PIBF1: variants seen among roughly 807,000 people sequenced by gnomAD.
PIBF1 encodes the protein progesterone immunomodulatory binding factor 1.
Under a neutral mutation model 112.5 loss-of-function variants are expected in PIBF1, and 90 were observed. That is an observed-to-expected ratio of 0.80 (90% CI 0.67 to 0.95). PIBF1 has a LOEUF of 0.95. Ranked by LOEUF, PIBF1 falls within the 40% of genes least tolerant of loss-of-function variation. The pLI is 0.00. For synonymous variants in PIBF1, 301 were observed against 288.6 expected (o/e 1.04, Z -0.44); for missense variants, 915 against 852.3 (o/e 1.07, Z -0.92).
intron 9 of PIBF1, among the ~76,000 whole-genome samples, chr13:72,850,540 G>A (rs1011350028): frequency 6.6e-6 from 1 of 152,158 alleles, no homozygotes. Context: ...TGCAAGAAAG[G>A]AAATGTTATT....
intron 16 of PIBF1, among the ~76,000 whole-genome samples, chr13:72,979,982 A>G (rs1594308935): frequency 6.6e-6 from 1 of 152,296 alleles, no homozygotes; most frequent in East Asian, 1.9e-4. Flanking sequence ...ATTTGAGTAC[A>G]TTAGGGACTG....
chr13:72,985,868 G>A (rs1349135972), intron 16 of PIBF1, among the ~76,000 whole-genome samples: 1 of 151,956 alleles, frequency 6.6e-6, no homozygotes, highest in Admixed American at 6.6e-5. Flanking sequence ...TAAAGGCCAG[G>A]GTCCAGCACA....
chr13:72,997,370 G>A (rs2139023169), intron 16 of PIBF1, among the ~76,000 whole-genome samples: 1 of 152,220 alleles, frequency 6.6e-6, no homozygotes, highest in African/African-American at 2.4e-5. Context: ...AATCTTGAAA[G>A]CAAAAAGAGT....
At chr13:72,848,692 C>T (rs1383082582) in intron 9 of PIBF1, among the ~76,000 whole-genome samples, 3 of 152,030 alleles carry the variant, frequency 2.0e-5, no homozygotes, top group Non-Finnish European at 4.4e-5. Context: ...AATTAGCCGG[C>T]ATGGTGGCGG....
chr13:73,004,014 C>T (rs1356039039), intron 17 of PIBF1, among the ~76,000 whole-genome samples: 1 of 152,142 alleles, frequency 6.6e-6, no homozygotes, highest in Non-Finnish European at 1.5e-5. Flanking sequence ...TGCACCTGGC[C>T]TGGGTATCCT....
chr13:72,798,046 C>T lies in PIBF1; in HGVS notation c.672+20C>T. The T allele has an allele frequency of 6.4e-7, 1 of 1,572,666 alleles. No individual in the cohort carries two copies. The highest frequency in any genetic ancestry group is 1.2e-5 in the South Asian group (1 of 83,284). On this transcript the variant is annotated intron_variant, in intron 5 of 17. Transcript: ENST00000326291. ...ACAGAGGTTTGTATGGTTTTGATTG[C>T]TGGTGGGAAGAAGCTTCGGCTTTTT...
chr13:72,867,608 A>G (rs553387447), intron 10 of PIBF1, among the ~76,000 whole-genome samples: 129 of 152,310 alleles, frequency 8.5e-4, no homozygotes, highest in African/African-American at 3.0e-3. Flanking sequence ...TCTCTAAAGA[A>G]AGAGTCCCCT....
chr13:72,898,944 T>C (rs980024078), intron 11 of PIBF1, among the ~76,000 whole-genome samples: 1 of 151,282 alleles, frequency 6.6e-6, no homozygotes, highest in Non-Finnish European at 1.5e-5. Flanking sequence ...ACAGGAGATA[T>C]TACAACTGAC....
intron 16 of PIBF1, among the ~76,000 whole-genome samples, chr13:72,981,686 T>C (rs1358307684): frequency 6.6e-6 from 1 of 152,236 alleles, no homozygotes; most frequent in Non-Finnish European, 1.5e-5. Context: ...TGAAATGTTA[T>C]GTACTTATAG....
chr13:72,797,791 CTTG>C (rs2035268535), intron 4 of PIBF1, 113 bp from the exon 5 acceptor site: 3 of 740,312 alleles, frequency 4.1e-6, no homozygotes, highest in East Asian at 2.9e-5. Context: ...TAATGACTGT[CTTG>C]TTGTAGTTTT....
intron 16 of PIBF1, among the ~76,000 whole-genome samples, chr13:72,975,907 C>T (rs1240367498): frequency 6.6e-6 from 1 of 152,064 alleles, no homozygotes; most frequent in African/African-American, 2.4e-5. Flanking sequence ...TCAGCCATAT[C>T]AACTACATTT....
intron 16 of PIBF1, among the ~76,000 whole-genome samples, chr13:72,976,394 A>G (rs891326692): frequency 6.6e-6 from 1 of 152,168 alleles, no homozygotes; most frequent in Admixed American, 6.6e-5. Context: ...CACTAGCAAG[A>G]TGAAACTACT....
At chr13:72,787,077 A>G (rs1415433624) in intron 2 of PIBF1, among the ~76,000 whole-genome samples, 1 of 152,190 alleles carries the variant, frequency 6.6e-6, no homozygotes, top group Non-Finnish European at 1.5e-5. Context: ...ATTAAAGAAT[A>G]TGTATATGTA....
At chr13:73,001,277 T>G (rs973276413) in intron 17 of PIBF1, among the ~76,000 whole-genome samples, 1 of 152,218 alleles carries the variant, frequency 6.6e-6, no homozygotes, top group Non-Finnish European at 1.5e-5. Flanking sequence ...AAGAATACTT[T>G]TTTATATTTT....
intron 14 of PIBF1, among the ~76,000 whole-genome samples, chr13:72,957,633 AAT>A (rs1472377928): frequency 6.6e-6 from 1 of 152,104 alleles, no homozygotes; most frequent in Non-Finnish European, 1.5e-5. Context: ...CATGTAACCA[AAT>A]ACCACCTGTT....
chr13:73,012,978 A>T (rs2044249218), intron 17 of PIBF1, among the ~76,000 whole-genome samples: 1 of 151,960 alleles, frequency 6.6e-6, no homozygotes, highest in South Asian at 2.1e-4. Flanking sequence ...CTAAAGGATG[A>T]CTACAAAAGC....
chr13:72,985,223 T>A (rs1209081560), intron 16 of PIBF1, among the ~76,000 whole-genome samples: 1 of 151,944 alleles, frequency 6.6e-6, no homozygotes, highest in Non-Finnish European at 1.5e-5. Context: ...AACTGTATAA[T>A]CTCTGAAAAT....
intron 10 of PIBF1, chr13:72,881,254 C>G (rs541326986): frequency 1.3e-5 from 2 of 152,010 alleles, no homozygotes; most frequent in African/African-American, 4.8e-5. Flanking sequence ...AAAGACTCCA[C>G]CAAAAAACTA....
At chr13:72,972,849 T>C (rs2042932326) in intron 15 of PIBF1, among the ~76,000 whole-genome samples, 1 of 152,194 alleles carries the variant, frequency 6.6e-6, no homozygotes, top group African/African-American at 2.4e-5. Flanking sequence ...ACTAAATACC[T>C]GATTCACTTA....
Sources: allele counts gnomAD v4.1 joint callset (sites outside exome capture counted in the v4.1 genomes callset), GRCh38; gene constraint gnomAD v4.1.1; transcripts MANE v1.5; gene names NCBI Gene and HGNC (gene_info 2026-07-23, HGNC 2026-07-21).